Variants in PREX1 observed in about 807,000 individuals in gnomAD.
The protein encoded by PREX1 is phosphatidylinositol-3,4,5-trisphosphate dependent Rac exchange factor 1.
PREX1 carries 41 observed loss-of-function variants against 198.3 expected under a neutral mutation model. The observed-to-expected ratio is 0.21, with a 90% confidence interval of 0.16 to 0.27. The LOEUF is 0.27. Ranked by LOEUF, PREX1 falls within the 10% of genes least tolerant of loss-of-function variation. PREX1 has a pLI of 1.00. For synonymous variants in PREX1, 843 were observed against 887.2 expected, an observed-to-expected ratio of 0.95 and a Z score of 0.89; for missense variants, 1,620 against 2,200.7, an observed-to-expected ratio of 0.74 and a Z score of 5.28.
the PREX1 span, among the ~76,000 whole-genome samples, chr20:48,859,594 C>T: frequency 6.6e-6 from 1 of 152,228 alleles, no homozygotes; most frequent in Non-Finnish European, 1.5e-5. Flanking sequence ...AACCTGTATG[C>T]ATTACTGGTA....
intron 37 of PREX1, 44 bp downstream of exon 37, chr20:48,629,405 G>A (rs757752037): frequency 5.0e-6 from 8 of 1,597,302 alleles, no homozygotes; most frequent in Non-Finnish European, 6.8e-6. Context: ...CCAGAAGCTA[G>A]GCCAGCCCCT....
intron 1 of PREX1, among the ~76,000 whole-genome samples, chr20:48,825,356 C>G (rs545788013): frequency 6.6e-6 from 1 of 152,246 alleles, no homozygotes; most frequent in South Asian, 2.1e-4. Context: ...GGTCAGGACA[C>G]GTAGCATGAT....
At chr20:48,840,832 A>G in the PREX1 span, among the ~76,000 whole-genome samples, 1 of 152,076 alleles carries the variant, frequency 6.6e-6, no homozygotes, top group Non-Finnish European at 1.5e-5. Context: ...TTATGTATTT[A>G]TTTATTTAGA....
chr20:48,846,675 G>A, the PREX1 span, among the ~76,000 whole-genome samples: 1 of 152,166 alleles, frequency 6.6e-6, no homozygotes. Context: ...TGTTGCTGGA[G>A]ACAGAAACAA....
At chr20:48,719,925 AAAG>A (rs963751103) in intron 5 of PREX1, among the ~76,000 whole-genome samples, 1 of 152,082 alleles carries the variant, frequency 6.6e-6, no homozygotes, top group Non-Finnish European at 1.5e-5. Flanking sequence ...GATGGAAAAT[AAAG>A]ACCCCACGAT....
At chr20:48,705,761 C>T (rs1392219382) in intron 6 of PREX1, among the ~76,000 whole-genome samples, 1 of 152,176 alleles carries the variant, frequency 6.6e-6, no homozygotes. Context: ...AACAATTTCA[C>T]GTTTTTCAAA....
At chr20:48,867,534 T>G in the PREX1 span, among the ~76,000 whole-genome samples, 10 of 152,372 alleles carry the variant, frequency 6.6e-5, no homozygotes, top group Admixed American at 2.0e-4. Flanking sequence ...GAGTCATCCA[T>G]CTTTGCATCT....
chr20:48,824,451 C>T (rs564090897), intron 1 of PREX1, among the ~76,000 whole-genome samples: 4 of 152,284 alleles, frequency 2.6e-5, no homozygotes, highest in South Asian at 2.1e-4. Context: ...ACCTCACTTC[C>T]TCCAGGAAGC....
intron 1 of PREX1, among the ~76,000 whole-genome samples, chr20:48,762,565 C>G (rs868447269): frequency 6.6e-6 from 1 of 152,148 alleles, no homozygotes; most frequent in Non-Finnish European, 1.5e-5. Flanking sequence ...TAGACAGAGC[C>G]AAGTATTTTG....
chr20:48,758,252 T>C (rs2090163507), intron 1 of PREX1, among the ~76,000 whole-genome samples: 2 of 152,170 alleles, frequency 1.3e-5, no homozygotes, highest in African/African-American at 4.8e-5. Context: ...CCAGGGAGTC[T>C]GTACATCAGC....
intron 27 of PREX1, among the ~76,000 whole-genome samples, chr20:48,644,127 A>G (rs1042067801): frequency 6.6e-6 from 1 of 152,214 alleles, no homozygotes; most frequent in Non-Finnish European, 1.5e-5. Flanking sequence ...TGAACCGTGC[A>G]TGCTTCCATT....
At chr20:48,805,013 G>A (rs372964576) in intron 1 of PREX1, among the ~76,000 whole-genome samples, 85 of 152,326 alleles carry the variant, frequency 5.6e-4, no homozygotes, top group African/African-American at 1.9e-3. Flanking sequence ...AGAAATGCTG[G>A]CAGGGCATTT....
chr20:48,632,352 T>C lies in PREX1; in HGVS notation c.4451A>G (p.Gln1484Arg), dbSNP rs1284787653. Residue 1484 changes from glutamine to arginine, a missense_variant, in exon 35 of 40, where the codon CAG (glutamine) becomes CGG (arginine). Physicochemically the swap from Gln to Arg is conservative, Grantham distance 43 (BLOSUM62 1). Transcript: ENST00000371941. ...NVEGLPSPGS[Q>R]AAEDLQQDIN... ...GTCCTGCTGCAAATCCTCCGCGGCC[T>C]GGCTGCCTGGAGAAGGCAGCCCCTC... 2 of 1,613,838 alleles carry C rather than the reference T, an allele frequency of 1.2e-6. No homozygotes were observed. The highest frequency in any genetic ancestry group is 4.5e-5 in the East Asian group (2 of 44,876).
At chr20:48,657,300 G>A in intron 17 of PREX1, 112 bp from the exon 18 acceptor site, 1 of 1,310,570 alleles carries the variant, frequency 7.6e-7, no homozygotes, top group Non-Finnish European at 1.1e-6. Context: ...AAGGGATCCA[G>A]CAGGACTGGG....
chr20:48,801,899 T>C (rs993591350), intron 1 of PREX1, among the ~76,000 whole-genome samples: 6 of 152,168 alleles, frequency 3.9e-5, no homozygotes, highest in African/African-American at 1.4e-4. Context: ...TGGGTTGTTA[T>C]AAAGCCAAGA....
At chr20:48,752,555 T>G (rs775218372) in intron 1 of PREX1, among the ~76,000 whole-genome samples, 3 of 152,118 alleles carry the variant, frequency 2.0e-5, no homozygotes, top group African/African-American at 4.8e-5. Context: ...GGAGCAGCCC[T>G]CAGTGATGGC....
Position 48,657,203 on chromosome 20 carries a change from C to T in PREX1, c.1975-15G>A. On this transcript the variant is annotated splice_polypyrimidine_tract_variant and intron_variant, in intron 17 of 39. Transcript: ENST00000371941. ...AGGCCAGCCACCTGGGTAGGGACGG[C>T]AGAGGACAGACGTGCACACCAGTTA... 1.2e-6 allele frequency: 2 copies of T among 1,612,788 alleles called. No homozygotes were observed.
chr20:48,653,748 G>A (rs1015533323), intron 19 of PREX1, among the ~76,000 whole-genome samples: 49 of 152,212 alleles, frequency 3.2e-4, no homozygotes, highest in Admixed American at 2.6e-3. Context: ...AACGGGATCC[G>A]ATTCAGGCCC....
chr20:48,786,668 C>T, intron 1 of PREX1, among the ~76,000 whole-genome samples: 1 of 151,428 alleles, frequency 6.6e-6, no homozygotes, highest in Admixed American at 6.6e-5. Context: ...TCGCTTGAAC[C>T]CGGGAGGCAG....
Sources: allele counts gnomAD v4.1 joint callset (sites outside exome capture counted in the v4.1 genomes callset), GRCh38; gene constraint gnomAD v4.1.1; transcripts MANE v1.5; gene names NCBI Gene and HGNC (gene_info 2026-07-23, HGNC 2026-07-21).